Variants in NBEAL2 observed in about 807,000 individuals in gnomAD.
The protein encoded by NBEAL2 is neurobeachin like 2.
Under a neutral mutation model 299.8 loss-of-function variants are expected in NBEAL2, and 160 were observed. That is an observed-to-expected ratio of 0.53 (90% CI 0.47 to 0.61). The LOEUF (loss-of-function observed/expected upper bound fraction) is 0.61. NBEAL2 is among the 20% of genes least tolerant of loss of function. The pLI, the probability that NBEAL2 is intolerant of heterozygous loss-of-function variation, is 0.00. For missense variants in NBEAL2, 3,112 were observed against 3,649.0 expected (o/e 0.85, Z 3.79); for synonymous variants, 1,493 against 1,542.3 (o/e 0.97, Z 0.75).
Position 47,005,074 on chromosome 3 carries a change from C to A in NBEAL2, c.6397C>A (p.His2133Asn), listed in dbSNP as rs1224679693. The A allele has an allele frequency of 6.2e-7, 1 of 1,613,662 alleles. No homozygotes were observed. The highest frequency in any genetic ancestry group is 1.3e-5 in the African/African-American group (1 of 74,922). ...GCCCATCGGTGTGGTGAACCCCAAG[C>A]ATGCCCAGCTCGTGAGGGAGAAGTG... The part of the protein sequence containing the change: ...SKPIGVVNPK[H>N]AQLVREKYES... Residue 2133 changes from histidine to asparagine, a missense_variant, in exon 39 of 54, where the codon CAT becomes AAT. Around this residue, in one of 3 missense-constraint regions of NBEAL2, gnomAD observed 521 missense variants for 729.6 expected, o/e 0.71. Transcript: ENST00000450053.
chr3:46,983,274 G>T (rs1280721766), intron 1 of NBEAL2, among the ~76,000 whole-genome samples: 1 of 150,004 alleles, frequency 6.7e-6, no homozygotes, highest in Non-Finnish European at 1.5e-5. Context: ...ACCTGGTCAG[G>T]CCCTCCACTC....
rs2037487300 is a variant in NBEAL2 at position 47,006,911 on chromosome 3, GTC to G, written c.7135-151_7135-150del. ...CCACTTTCTGAGATGCCCTCCTAAA[GTC>G]TCTGCCTGTTTCTTGGAGGGAACCT... is the stretch of plus-strand genomic sequence containing the variant. On this transcript the variant is annotated intron_variant, in intron 45 of 53. Transcript: ENST00000450053. 4.8e-6 allele frequency: 3 copies of G among 629,598 alleles called. 1 individual carries two copies. Among genetic ancestry groups the G allele is most frequent in the Admixed American group, 3.0e-5 (1 of 33,182 alleles). The allele number at this position is 629,598 out of a possible 1,614,324, so 39.0% of individuals were successfully genotyped here.
At chr3:46,987,073 A>G (rs1011403806) in intron 1 of NBEAL2, among the ~76,000 whole-genome samples, 7 of 152,334 alleles carry the variant, frequency 4.6e-5, no homozygotes, top group Admixed American at 3.3e-4. Flanking sequence ...TCAGATCTGC[A>G]CTAAACTGTA....
rs766763430 is a variant in NBEAL2, at chr3:47,001,020, T to C, written c.4325T>C (p.Leu1442Ser). ...SNPQQTSEEE[L>S]CNLLTNVLFS... is the part of the protein sequence containing the mutation. ...CCACAGCAAACCTCTGAGGAAGAGT[T>C]GTGCAATCTGCTCACCAACGTGCTG... The change falls in exon 28 of 54, where the codon TTG becomes TCG. Residue 1442 changes from leucine (L) to serine (S), a missense_variant. Leu to Ser is a moderately radical substitution (Grantham distance 145). This residue lies in a region of NBEAL2 where 2,243 missense variants were observed against 2,538.1 expected (regional missense o/e 0.88). Transcript: ENST00000450053. This position sits in a 1 kb window ranked among gnomAD's most constrained non-coding sequence, Gnocchi z 6.1. 1.9e-6 allele frequency: 3 copies of C among 1,610,650 alleles called. No individual in the cohort carries two copies. Among genetic ancestry groups the C allele is most frequent in the East Asian group, 2.2e-5 (1 of 44,808 alleles).
At chr3:46,994,875 C>T (rs930218524) in intron 12 of NBEAL2, among the ~76,000 whole-genome samples, 157 bp from the exon 13 acceptor site, 1 of 152,214 alleles carries the variant, frequency 6.6e-6, no homozygotes, top group African/African-American at 2.4e-5. Flanking sequence ...GTCATCTGTG[C>T]CCCTCTGACT....
intron 1 of NBEAL2, among the ~76,000 whole-genome samples, chr3:46,984,691 T>C (rs1024035187): frequency 6.6e-6 from 1 of 152,042 alleles, no homozygotes; most frequent in African/African-American, 2.4e-5. Flanking sequence ...GAAGATGGAG[T>C]GCTCACTACC....
chr3:46,994,836 A>G (rs904043541), intron 12 of NBEAL2, among the ~76,000 whole-genome samples, 196 bp from the exon 13 acceptor site: 10 of 152,236 alleles, frequency 6.6e-5, no homozygotes, highest in African/African-American at 2.4e-4. Context: ...GGGATTAACA[A>G]TGCTGAAGGA....
At position 46,995,434 on chromosome 3, in the gene NBEAL2, G is replaced by A. The variant is rs751146846; in HGVS notation, c.1699G>A (p.Gly567Ser). The change falls in exon 13 of 54, where the codon GGC (glycine) becomes AGC (serine). Residue 567 changes from glycine (G) to serine (S), a missense_variant. Physicochemically the swap from Gly to Ser is moderately conservative, Grantham distance 56. Around this residue, in one of 3 missense-constraint regions of NBEAL2, gnomAD observed 2,243 missense variants for 2,538.1 expected, o/e 0.88. Coordinates refer to ENST00000450053, the MANE Select transcript of NBEAL2 (RefSeq NM_015175.3). ...HAGAVIRTLS[G>S]MARHQGPARA... Reference sequence around the variant, plus strand: ...AGGTGCTGTCATCCGCACATTATCAGGCATGGCCAGGCACCAGGGTCCTGC... The same window carrying A: ...AGGTGCTGTCATCCGCACATTATCAAGCATGGCCAGGCACCAGGGTCCTGC... The A allele has an allele frequency of 6.2e-7, 1 of 1,612,832 alleles. No individual in the cohort carries two copies. Among genetic ancestry groups the A allele is most frequent in the Non-Finnish European group, 8.5e-7 (1 of 1,179,890 alleles).
rs375986506 is a variant in NBEAL2, at chr3:46,988,483, A to G, written c.52-186A>G. Among the ~76,000 whole-genome samples the G allele has an allele frequency of 3.4e-4, 52 of 151,732 alleles. No homozygotes were observed. Among genetic ancestry groups the G allele is most frequent in the African/African-American group, 1.1e-3 (45 of 41,326 alleles). ...CTAACTCTCTGATGCTGACCTTCCA[A>G]TGTCCTGCCCTCCCTCCCCCGTCCC... On this transcript the variant is annotated intron_variant, in intron 1 of 53. Coordinates refer to ENST00000450053, the MANE Select transcript of NBEAL2 (RefSeq NM_015175.3). The surrounding 1 kb of genome is among the most constrained non-coding windows in gnomAD (Gnocchi z 4.4).
At position 46,998,074 on chromosome 3, in the gene NBEAL2, G is replaced by C; in HGVS notation, c.2966G>C (p.Ser989Thr). ...GCTCCTGTCTTATCCCAGGTCCCAA[G>C]CTGGGCCATGGACATGAACGTGCTC... is the stretch of plus-strand genomic sequence containing the variant. ...IIGALLRKVPSWAMDMNVLMS... is the reference protein window; with the variant it reads ...IIGALLRKVPTWAMDMNVLMS... The change falls in exon 21 of 54, where the codon AGC becomes ACC. Residue 989 changes from serine (S) to threonine (T), a missense_variant. Physicochemically the swap from Ser to Thr is moderately conservative, Grantham distance 58. This residue lies in a region of NBEAL2 where 2,243 missense variants were observed against 2,538.1 expected (regional missense o/e 0.88). Transcript: ENST00000450053. The C allele has an allele frequency of 6.4e-7, 1 of 1,568,688 alleles. No individual in the cohort carries two copies. The highest frequency in any genetic ancestry group is 8.6e-7 in the Non-Finnish European group (1 of 1,156,636).
Position 47,000,292 on chromosome 3 carries a change from T to C in NBEAL2, c.4193T>C (p.Phe1398Ser). The change falls in exon 27 of 54, where the codon TTT becomes TCT. Residue 1398 changes from phenylalanine to serine, a missense_variant. Phe to Ser is a radical substitution (Grantham distance 155). Coordinates refer to ENST00000450053, the MANE Select transcript of NBEAL2 (RefSeq NM_015175.3). The surrounding 1 kb of genome is among the most constrained non-coding windows in gnomAD (Gnocchi z 4.5). ...TPSPLDGPRP[F>S]PAAPGRHSSS... ...TCGCCACTGGATGGGCCGCGGCCCTTTCCTGCTGCTCCTGGCCGCCACAGC... is the reference window on the plus strand; with the variant it reads ...TCGCCACTGGATGGGCCGCGGCCCTCTCCTGCTGCTCCTGGCCGCCACAGC... The C allele has an allele frequency of 1.9e-6, 3 of 1,612,500 alleles. No individual in the cohort carries two copies. The highest frequency in any genetic ancestry group is 2.2e-5 in the South Asian group (2 of 91,068).
chr3:47,000,500 C>T lies in NBEAL2; in HGVS notation c.4305+96C>T. ...GTGTAGCCTCTCCAAAGGTGTGGCC[C>T]TGTCTGACCAGGGTTGCAGCCACTG... On this transcript the variant is annotated intron_variant, in intron 27 of 53. Coordinates refer to ENST00000450053, the MANE Select transcript of NBEAL2 (RefSeq NM_015175.3). This position sits in a 1 kb window ranked among gnomAD's most constrained non-coding sequence, Gnocchi z 4.5. 1 of 1,467,840 alleles carries T rather than the reference C, an allele frequency of 6.8e-7. No individual in the cohort carries two copies. Among genetic ancestry groups the T allele is most frequent in the Non-Finnish European group, 9.1e-7 (1 of 1,093,688 alleles). The allele number at this position is 1,467,840 out of a possible 1,614,324, so 90.9% of individuals were successfully genotyped here.
chr3:46,996,547 C>G lies in NBEAL2; in HGVS notation c.2428C>G (p.His810Asp), dbSNP rs762566866. ...EGELGAVAIF[H>D]EALQATALRT... ...TGAGCTGGGGGCTGTGGCCATCTTT[C>G]ACGAAGCCCTGCAGGCGACGGCTCT... The change falls in exon 16 of 54, where the codon CAC becomes GAC. Residue 810 changes from histidine (H) to aspartate (D), a missense_variant. His to Asp is a moderately conservative substitution (Grantham distance 81). This residue lies in a region of NBEAL2 where 2,243 missense variants were observed against 2,538.1 expected (regional missense o/e 0.88). Coordinates refer to ENST00000450053, the MANE Select transcript of NBEAL2 (RefSeq NM_015175.3). 1 of 1,544,206 alleles carries G rather than the reference C, an allele frequency of 6.5e-7. No individual in the cohort carries two copies. Among genetic ancestry groups the G allele is most frequent in the Admixed American group, 1.9e-5 (1 of 51,940 alleles).
intron 19 of NBEAL2, 58 bp downstream of exon 19, chr3:46,997,491 G>A: frequency 6.3e-7 from 1 of 1,591,622 alleles, no homozygotes; most frequent in Non-Finnish European, 8.6e-7. Context: ...TAGGGGGGTG[G>A]AATGCCCAAG....
rs4682830 is a variant in NBEAL2, at chr3:47,003,219, C to G, written c.5630C>G (p.Ala1877Gly). 1 of 1,613,152 alleles carries G rather than the reference C, an allele frequency of 6.2e-7. No individual in the cohort carries two copies. Among genetic ancestry groups the G allele is most frequent in the Non-Finnish European group, 8.5e-7 (1 of 1,179,756 alleles). Reference protein sequence around the residue: ...TPTEEASLPLAVTKEAKVSTP... With the variant: ...TPTEEASLPLGVTKEAKVSTP... ...ACCGAGGAGGCCTCACTGCCTCTGGCAGTGACCAAAGAGGCCAAAGTGAGC... is the reference window on the plus strand; with the variant it reads ...ACCGAGGAGGCCTCACTGCCTCTGGGAGTGACCAAAGAGGCCAAAGTGAGC... The change falls in exon 35 of 54, where the codon GCA becomes GGA. Residue 1877 changes from alanine to glycine, a missense_variant. Ala to Gly is a moderately conservative substitution (Grantham distance 60). Coordinates refer to ENST00000450053, the MANE Select transcript of NBEAL2 (RefSeq NM_015175.3). The surrounding 1 kb of genome is among the most constrained non-coding windows in gnomAD (Gnocchi z 7.0).
At chr3:46,985,364 A>G (rs2035610927) in intron 1 of NBEAL2, among the ~76,000 whole-genome samples, 1 of 152,158 alleles carries the variant, frequency 6.6e-6, no homozygotes, top group African/African-American at 2.4e-5. Flanking sequence ...TGGGAGCAGC[A>G]TGGTGTCAGG....
chr3:46,997,124 C>T, intron 18 of NBEAL2, 78 bp downstream of exon 18: 1 of 1,550,194 alleles, frequency 6.5e-7, no homozygotes, highest in Non-Finnish European at 8.8e-7. Flanking sequence ...AGCTGGGGAG[C>T]AGCGCTGTGC....
chr3:46,995,967 G>A lies in NBEAL2; in HGVS notation c.2067G>A (p.Arg689=). 6.2e-7 allele frequency: 1 copy of A among 1,613,182 alleles called. No individual in the cohort carries two copies. The highest frequency in any genetic ancestry group is 1.3e-5 in the African/African-American group (1 of 75,042). ...CVAIVHVPGR[R]PFSQNLVHVY... is the part of the protein sequence containing the mutation. Reference sequence around the variant, plus strand: ...CTATCGTCCATGTGCCTGGGCGCCGGCCCTTCAGCCAGAACCTGGTCCATG... The same window carrying A: ...CTATCGTCCATGTGCCTGGGCGCCGACCCTTCAGCCAGAACCTGGTCCATG... Residue 689 remains arginine (R), a synonymous_variant, in exon 15 of 54, where the codon CGG becomes CGA. Coordinates refer to ENST00000450053, the MANE Select transcript of NBEAL2 (RefSeq NM_015175.3).
chr3:46,997,888 C>T (rs2036617877), intron 20 of NBEAL2, among the ~76,000 whole-genome samples, 179 bp from the exon 21 acceptor site: 1 of 152,248 alleles, frequency 6.6e-6, no homozygotes, highest in Non-Finnish European at 1.5e-5. Flanking sequence ...GGCAGGGACC[C>T]GCACAGCAGG....
Sources: allele counts gnomAD v4.1 joint callset (sites outside exome capture counted in the v4.1 genomes callset), GRCh38; gene constraint gnomAD v4.1.1; regional missense constraint gnomAD v4.1.1; non-coding constraint Gnocchi (gnomAD v3.1); transcripts MANE v1.5; gene names NCBI Gene and HGNC (gene_info 2026-07-23, HGNC 2026-07-21).